Variants in MATCAP2 observed in about 807,000 individuals in gnomAD.
MATCAP2 encodes putative tyrosine carboxypeptidase MATCAP2.
At chr7:36,327,949 T>A in the MATCAP2 span, among the ~76,000 whole-genome samples, 1 of 152,234 alleles carries the variant, frequency 6.6e-6, no homozygotes, top group African/African-American at 2.4e-5. Context: ...TTGCTTTTAT[T>A]TTGAATTTTT....
At chr7:36,365,731 G>A in the MATCAP2 span, among the ~76,000 whole-genome samples, 1 of 152,174 alleles carries the variant, frequency 6.6e-6, no homozygotes, top group Admixed American at 6.5e-5. Flanking sequence ...TTAATGGTGC[G>A]GAGGTTGAGA....
At chr7:36,359,520 G>C in the MATCAP2 span, among the ~76,000 whole-genome samples, 1 of 152,140 alleles carries the variant, frequency 6.6e-6, no homozygotes, top group East Asian at 1.9e-4. Context: ...TGTGAAATCT[G>C]AATTTTGGTG....
chr7:36,362,838 G>A, the MATCAP2 span, among the ~76,000 whole-genome samples: 1 of 152,194 alleles, frequency 6.6e-6, no homozygotes, highest in Admixed American at 6.5e-5. Context: ...TGGTCAGGAA[G>A]CCTTCCTTAA....
chr7:36,367,566 G>A, the MATCAP2 span, among the ~76,000 whole-genome samples: 1 of 152,216 alleles, frequency 6.6e-6, no homozygotes, highest in East Asian at 1.9e-4. Context: ...CGAGGTGCGG[G>A]GAAGCTAAAA....
chr7:36,376,263 T>C, the MATCAP2 span, among the ~76,000 whole-genome samples: 1 of 152,238 alleles, frequency 6.6e-6, no homozygotes, highest in Non-Finnish European at 1.5e-5. Flanking sequence ...CTGCTTTAAA[T>C]GTATCCCAGA....
At chr7:36,338,135 A>C in the MATCAP2 span, among the ~76,000 whole-genome samples, 4 of 152,226 alleles carry the variant, frequency 2.6e-5, no homozygotes, top group East Asian at 7.7e-4. Flanking sequence ...TTACCCCAAA[A>C]TATGTTTCTT....
chr7:36,329,689 T>C, the MATCAP2 span, among the ~76,000 whole-genome samples: 1 of 152,328 alleles, frequency 6.6e-6, no homozygotes, highest in East Asian at 1.9e-4. Flanking sequence ...AAGATCTCTA[T>C]TTTGTTACCA....
At chr7:36,367,010 C>T in the MATCAP2 span, 1 of 1,301,328 alleles carries the variant, frequency 7.7e-7, no homozygotes, top group Non-Finnish European at 9.7e-7. Flanking sequence ...GGCGGGCGGC[C>T]TCTAGCCTCT....
chr7:36,386,070 G>A, the MATCAP2 span, among the ~76,000 whole-genome samples: 4 of 151,912 alleles, frequency 2.6e-5, no homozygotes, highest in East Asian at 3.9e-4. Flanking sequence ...CAGGAGAATC[G>A]CTTGAACCCG....
chr7:36,368,786 C>A, the MATCAP2 span, among the ~76,000 whole-genome samples: 1 of 152,296 alleles, frequency 6.6e-6, no homozygotes, highest in South Asian at 2.1e-4. Flanking sequence ...CTTTGATATT[C>A]CTCAATTCCA....
the MATCAP2 span, among the ~76,000 whole-genome samples, chr7:36,352,356 C>G: frequency 1.4e-5 from 2 of 143,490 alleles, no homozygotes; most frequent in Non-Finnish European, 3.0e-5. Flanking sequence ...GAAATTGCAC[C>G]ACTGTACTCC....
chr7:36,348,373 C>T, the MATCAP2 span, among the ~76,000 whole-genome samples: 1 of 152,154 alleles, frequency 6.6e-6, no homozygotes, highest in South Asian at 2.1e-4. Flanking sequence ...GCTGTAAGCA[C>T]CAATCACTGT....
the MATCAP2 span, among the ~76,000 whole-genome samples, chr7:36,357,865 T>A: frequency 6.6e-6 from 1 of 152,166 alleles, no homozygotes; most frequent in Non-Finnish European, 1.5e-5. Flanking sequence ...ATATGTGAGA[T>A]AATATACATA....
the MATCAP2 span, chr7:36,324,342 A>G: frequency 2.6e-5 from 4 of 152,220 alleles, no homozygotes; most frequent in African/African-American, 9.6e-5. Flanking sequence ...AGAAATGAAG[A>G]CTATGGATTT....
chr7:36,366,821 G>A, the MATCAP2 span: 1 of 1,521,064 alleles, frequency 6.6e-7, no homozygotes, highest in Non-Finnish European at 8.8e-7. Context: ...CCCGAGCGGC[G>A]CGCCCAGCCG....
chr7:36,330,454 T>C, the MATCAP2 span, among the ~76,000 whole-genome samples: 2 of 151,736 alleles, frequency 1.3e-5, no homozygotes, highest in Admixed American at 1.3e-4. Flanking sequence ...GGGGAGACTA[T>C]CACAGATTAA....
chr7:36,330,955 G>A, the MATCAP2 span: 1 of 1,343,472 alleles, frequency 7.4e-7, no homozygotes, highest in South Asian at 1.2e-5. Flanking sequence ...GGGTGTTCGG[G>A]GACTATGTGC....
the MATCAP2 span, among the ~76,000 whole-genome samples, chr7:36,345,279 C>A: frequency 6.6e-6 from 1 of 152,186 alleles, no homozygotes; most frequent in Non-Finnish European, 1.5e-5. Flanking sequence ...TCAATCATTT[C>A]TGAATCTTTC....
the MATCAP2 span, among the ~76,000 whole-genome samples, chr7:36,375,316 C>G: frequency 6.6e-6 from 1 of 152,006 alleles, no homozygotes; most frequent in East Asian, 1.9e-4. Flanking sequence ...TTTCATGTGT[C>G]GAAGGCCTTT....
Sources: gnomAD v4.1 joint callset for allele counts (sites outside exome capture counted in the v4.1 genomes callset) on GRCh38, gnomAD v4.1.1 for gene constraint, MANE v1.5 for transcripts, NCBI Gene and HGNC (gene_info 2026-07-23, HGNC 2026-07-21) for gene names.